Variants in DDX60 observed in about 807,000 individuals in gnomAD.
The protein encoded by DDX60 is probable ATP-dependent RNA helicase DDX60.
Under a neutral mutation model 212.8 loss-of-function variants are expected in DDX60, and 165 were observed. The ratio of observed to expected loss-of-function variants is 0.78; its 90% CI spans 0.68 to 0.88. DDX60 has a LOEUF of 0.88. Ranked by LOEUF, DDX60 falls within the 40% of genes least tolerant of loss-of-function variation. The pLI is 0.00. For missense variants in DDX60, 1,905 were observed against 2,003.9 expected, an observed-to-expected ratio of 0.95 and a Z score of 0.94; for synonymous variants, 703 against 685.3, an observed-to-expected ratio of 1.03 and a Z score of -0.40.
intron 24 of DDX60, 59 bp from the exon 25 acceptor site, chr4:168,261,048 C>T: frequency 2.0e-6 from 3 of 1,534,268 alleles, no homozygotes; most frequent in Non-Finnish European, 2.6e-6. Flanking sequence ...GAAATTACTA[C>T]TTTTTGCTAA....
intron 30 of DDX60, among the ~76,000 whole-genome samples, chr4:168,245,670 G>A (rs1330102296): frequency 6.6e-6 from 1 of 152,048 alleles, no homozygotes; most frequent in African/African-American, 2.4e-5. Flanking sequence ...TGATTTAACT[G>A]GGCATGTTAA....
chr4:168,260,997 G>C lies in DDX60; in HGVS notation c.3274-8C>G, dbSNP rs776738585. On this transcript the variant is annotated splice_region_variant and splice_polypyrimidine_tract_variant and intron_variant, in intron 24 of 37. Coordinates refer to ENST00000393743, the MANE Select transcript of DDX60 (RefSeq NM_017631.6). ...CTGAAGTACCATTCTGGCCTGTAGT[G>C]GTGAATACAAAACAATTTTAAGTTC... 5 of 1,589,510 alleles carry C rather than the reference G, an allele frequency of 3.1e-6. No homozygotes were observed. The South Asian group carries it at 5.9e-5, about 19-fold the overall frequency.
At position 168,297,380 on chromosome 4, in the gene DDX60, AAGAGAAAGAAAGAAAGAAAGAAAGAC is replaced by A. The variant is rs1560870670; in HGVS notation, c.724-3461_724-3436del. ...AAAGAAAGAAAGAAAGAAAGAAAGAAAGAGAAAGAAAGAAAGAAAGAAAGACAATAAATAATTAATTCCGCAAAATA... is the reference window on the plus strand; with the variant it reads ...AAAGAAAGAAAGAAAGAAAGAAAGAAAATAAATAATTAATTCCGCAAAATA... On this transcript the variant is annotated intron_variant, in intron 6 of 37. Coordinates refer to ENST00000393743, the MANE Select transcript of DDX60 (RefSeq NM_017631.6). Among the ~76,000 whole-genome samples, 4 of 43,142 alleles carry A rather than the reference AAGAGAAAGAAAGAAAGAAAGAAAGAC, an allele frequency of 9.3e-5. No homozygotes were observed. The African/African-American group carries it at 1.0e-3, about 11-fold the overall frequency. The allele number at this position is 43,142 out of a possible 152,430, so 28.3% of individuals were successfully genotyped here. A position where few individuals can be genotyped will look rare whatever the true frequency, so the allele number is the denominator to read the frequency against.
rs935323472 is a variant in DDX60 at position 168,307,359 on chromosome 4, A to C, written c.265-639T>G. 2.6e-5 allele frequency among the ~76,000 whole-genome samples: 4 copies of C among 152,220 alleles called. No homozygotes were observed. In the East Asian group the frequency reaches 7.7e-4, roughly 29 times the overall value. On this transcript the variant is annotated intron_variant, in intron 4 of 37. Coordinates refer to ENST00000393743, the MANE Select transcript of DDX60 (RefSeq NM_017631.6). ...TGCATATCTTTATTTGAAATTGTTA[A>C]AAATTATATTAATTATATTCATAAT...
chr4:168,296,700 G>A (rs1301250165), intron 6 of DDX60, among the ~76,000 whole-genome samples: 2 of 151,480 alleles, frequency 1.3e-5, no homozygotes, highest in Admixed American at 6.6e-5. Context: ...TACATAGAGA[G>A]CTATTACAAA....
intron 30 of DDX60, among the ~76,000 whole-genome samples, chr4:168,240,879 G>A (rs1220723788): frequency 6.6e-6 from 1 of 152,088 alleles, no homozygotes. Context: ...CATCGGCATG[G>A]GCAATATTTC....
chr4:168,247,911 C>T (rs563736286), intron 29 of DDX60, among the ~76,000 whole-genome samples: 2 of 152,116 alleles, frequency 1.3e-5, no homozygotes, highest in African/African-American at 4.8e-5. Flanking sequence ...TTGCAAATGC[C>T]GTGGGAGAGT....
intron 8 of DDX60, among the ~76,000 whole-genome samples, chr4:168,290,866 T>C (rs770991284): frequency 2.6e-5 from 4 of 152,204 alleles, no homozygotes; most frequent in Non-Finnish European, 5.9e-5. Context: ...ATTACCACAA[T>C]GTACTAAATG....
rs1288891151 is a variant in DDX60 at position 168,280,573 on chromosome 4, T to C, written c.1740A>G (p.Ile580Met). Reference protein sequence around the residue: ...SKKAHETKAEIIARENKKRLF... With the variant: ...SKKAHETKAEMIARENKKRLF... Reference sequence around the variant, plus strand: ...ACCTTTTCTTATTCTCTCTAGCAATTATTTCAGCCTTGGTCTCCTGCCCCA... The same window carrying C: ...ACCTTTTCTTATTCTCTCTAGCAATCATTTCAGCCTTGGTCTCCTGCCCCA... Residue 580 changes from isoleucine to methionine, a missense_variant, in exon 14 of 38, where the codon ATA becomes ATG. Physicochemically the swap from Ile to Met is conservative, Grantham distance 10 (BLOSUM62 1). Transcript: ENST00000393743. 6.2e-7 allele frequency: 1 copy of C among 1,611,358 alleles called. No individual in the cohort carries two copies. Among genetic ancestry groups the C allele is most frequent in the South Asian group, 1.1e-5 (1 of 90,612 alleles).
At chr4:168,320,328 C>T (rs995414539), upstream of DDX60, among the ~76,000 whole-genome samples, 6 of 152,164 alleles carry the variant, frequency 3.9e-5, no homozygotes, top group East Asian at 5.8e-4. Flanking sequence ...GACAGGAGTT[C>T]GAGGGGCAAT....
At chr4:168,269,054 G>T in intron 19 of DDX60, 85 bp from the exon 20 acceptor site, 2 of 691,870 alleles carry the variant, frequency 2.9e-6, no homozygotes, top group South Asian at 2.5e-5. Flanking sequence ...TCTTGAAATT[G>T]TCATGCATGC....
Position 168,285,417 on chromosome 4 carries a change from A to G in DDX60, c.1421T>C (p.Leu474Ser), listed in dbSNP as rs770584803. The stretch of plus-strand genomic sequence containing the variant: ...CCTCTTTAGAAAAGGCAAATCTTTC[A>G]AAATATCTCCAGCAAATTTATCAAC... ...FVVDKFAGDI[L>S]KDLPFLKSDD... The change falls in exon 11 of 38, where the codon TTG becomes TCG. Residue 474 changes from leucine (L) to serine (S), a missense_variant. By Grantham distance (145) the Leu-to-Ser change is moderately radical. Transcript: ENST00000393743. The G allele has an allele frequency of 1.9e-6, 3 of 1,611,012 alleles. No individual in the cohort carries two copies. The highest frequency in any genetic ancestry group is 1.1e-5 in the South Asian group (1 of 90,294).
Position 168,225,666 on chromosome 4 carries a change from T to C in DDX60, c.4544A>G (p.Asp1515Gly), listed in dbSNP as rs776550419. ...ATCACTAAAATCCTCAGGGAGATCA[T>C]CAAGGAACACCTAGAAGCCGAATAA... is the stretch of plus-strand genomic sequence containing the variant. ...FEFYQSKVFLDDLPEDFSDAL... is the reference protein window; with the variant it reads ...FEFYQSKVFLGDLPEDFSDAL... Residue 1515 changes from aspartate to glycine, a missense_variant, in exon 34 of 38, where the codon GAT (aspartate) becomes GGT (glycine). Asp to Gly is a moderately conservative substitution (Grantham distance 94, BLOSUM62 -1). Coordinates refer to ENST00000393743, the MANE Select transcript of DDX60 (RefSeq NM_017631.6). 2 of 1,610,174 alleles carry C rather than the reference T, an allele frequency of 1.2e-6. No homozygotes were observed. Among genetic ancestry groups the C allele is most frequent in the African/African-American group, 1.3e-5 (1 of 74,710 alleles).
At chr4:168,300,284 G>A (rs1296252649) in intron 6 of DDX60, among the ~76,000 whole-genome samples, 1 of 152,104 alleles carries the variant, frequency 6.6e-6, no homozygotes, top group Non-Finnish European at 1.5e-5. Context: ...GCTCACACCT[G>A]TAATCCCAAC....
intron 7 of DDX60, among the ~76,000 whole-genome samples, chr4:168,292,431 T>A (rs1334362080): frequency 1.3e-5 from 2 of 152,186 alleles, no homozygotes; most frequent in Non-Finnish European, 2.9e-5. Flanking sequence ...AGATGTGAGG[T>A]AAGTGGAATG....
intron 33 of DDX60, among the ~76,000 whole-genome samples, chr4:168,233,101 GA>G (rs1337924924): frequency 6.6e-6 from 1 of 151,882 alleles, no homozygotes; most frequent in Admixed American, 6.6e-5. Flanking sequence ...ACAAACATAT[GA>G]AAAAAATGCT....
At chr4:168,287,794 T>G (rs1432056283) in intron 9 of DDX60, among the ~76,000 whole-genome samples, 2 of 152,120 alleles carry the variant, frequency 1.3e-5, no homozygotes, top group African/African-American at 4.8e-5. Context: ...ATATATAAAT[T>G]AGCCTTATCT....
intron 33 of DDX60, among the ~76,000 whole-genome samples, chr4:168,233,983 A>G (rs889227691): frequency 3.9e-5 from 6 of 152,128 alleles, no homozygotes; most frequent in Admixed American, 3.9e-4. Flanking sequence ...TTATATATGT[A>G]TATATCAATG....
intron 22 of DDX60, among the ~76,000 whole-genome samples, chr4:168,263,980 C>T (rs1236608407): frequency 1.3e-5 from 2 of 151,384 alleles, no homozygotes; most frequent in Non-Finnish European, 2.9e-5. Flanking sequence ...CAAATTTATC[C>T]AAAATAATTT....
Sources: allele counts gnomAD v4.1 joint callset (sites outside exome capture counted in the v4.1 genomes callset), GRCh38; gene constraint gnomAD v4.1.1; transcripts MANE v1.5; gene names NCBI Gene and HGNC (gene_info 2026-07-23, HGNC 2026-07-21).